Variants in ABCB5 observed in about 807,000 individuals in gnomAD.
The protein encoded by ABCB5 is ATP binding cassette subfamily B member 5.
Under a neutral mutation model 144.2 loss-of-function variants are expected in ABCB5, and 155 were observed. The ratio of observed to expected loss-of-function variants is 1.08; its 90% confidence interval spans 0.94 to 1.23. The LOEUF (loss-of-function observed/expected upper bound fraction) is 1.23. ABCB5 is among the 50% of genes most tolerant of loss of function. The pLI is 0.00. For synonymous variants in ABCB5, 610 were observed against 528.6 expected, an observed-to-expected ratio of 1.15 and a Z score of -2.11; for missense variants, 1,830 against 1,520.8, an observed-to-expected ratio of 1.20 and a Z score of -3.38.
chr7:20,669,028 C>A (rs1304161740), intron 14 of ABCB5, among the ~76,000 whole-genome samples: 1 of 122,478 alleles, frequency 8.2e-6, no homozygotes, highest in Non-Finnish European at 1.8e-5. Context: ...GTGAGGGGCG[C>A]CTCTGCCCGG....
intron 16 of ABCB5, among the ~76,000 whole-genome samples, chr7:20,695,846 C>CA (rs996791844): frequency 6.7e-4 from 99 of 146,850 alleles, no homozygotes; most frequent in East Asian, 4.3e-3. Context: ...TTCAGAAATG[C>CA]AAAAAAAAAA....
Position 20,626,581 on chromosome 7 carries a change from G to A in ABCB5, c.78G>A (p.Leu26=). Reference sequence around the variant, plus strand: ...GAACTGCAGAAGAACAGCCAAAACTGAGAAAGGAAGCAGTTGGATCTATTG... The same window carrying A: ...GAACTGCAGAAGAACAGCCAAAACTAAGAAAGGAAGCAGTTGGATCTATTG... ...RNGTAEEQPK[L]RKEAVGSIEI... The change falls in exon 3 of 28, where the codon CTG becomes CTA. Residue 26 remains leucine (L), a synonymous_variant. Transcript: ENST00000404938. The A allele has an allele frequency of 6.2e-7, 1 of 1,608,356 alleles. No individual in the cohort carries two copies. The highest frequency in any genetic ancestry group is 8.5e-7 in the Non-Finnish European group (1 of 1,177,218).
chr7:20,655,169 A>G (rs1784735959), intron 13 of ABCB5, among the ~76,000 whole-genome samples: 1 of 152,144 alleles, frequency 6.6e-6, no homozygotes, highest in Admixed American at 6.5e-5. Flanking sequence ...TTAAAAGGTT[A>G]ATAAGGAAAT....
intron 18 of ABCB5, 28 bp downstream of exon 18, chr7:20,699,957 A>G: frequency 6.2e-7 from 1 of 1,601,482 alleles, no homozygotes. Context: ...AAGCCTGAGC[A>G]TGATTACTTT....
chr7:20,752,700 A>T (rs1048816731), intron 26 of ABCB5, among the ~76,000 whole-genome samples: 9 of 152,188 alleles, frequency 5.9e-5, no homozygotes, highest in Non-Finnish European at 1.3e-4. Flanking sequence ...TACAAAAATT[A>T]GCCAGGCATG....
At chr7:20,655,812 C>A (rs934627609) in intron 13 of ABCB5, among the ~76,000 whole-genome samples, 2 of 151,374 alleles carry the variant, frequency 1.3e-5, no homozygotes, top group Non-Finnish European at 2.9e-5. Flanking sequence ...CATGTTGATT[C>A]CAAAATTTAT....
At chr7:20,659,023 T>C (rs1344787137) in intron 14 of ABCB5, 5 of 1,599,782 alleles carry the variant, frequency 3.1e-6, no homozygotes, top group Non-Finnish European at 4.3e-6. Flanking sequence ...TTCTTCTACA[T>C]ACACCTGTGG....
At chr7:20,676,867 C>G (rs562170068) in intron 14 of ABCB5, among the ~76,000 whole-genome samples, 5 of 151,992 alleles carry the variant, frequency 3.3e-5, no homozygotes, top group Non-Finnish European at 7.4e-5. Context: ...TGTCTAAGTC[C>G]TCCAAGACAG....
At chr7:20,659,738 C>G in intron 14 of ABCB5, 1 of 985,626 alleles carries the variant, frequency 1.0e-6, no homozygotes, top group Non-Finnish European at 1.2e-6. Context: ...ATTCAAGCCT[C>G]GCTCTGTCAC....
chr7:20,629,784 G>GAA (rs1212414224), intron 4 of ABCB5, among the ~76,000 whole-genome samples: 14 of 150,108 alleles, frequency 9.3e-5, no homozygotes, highest in South Asian at 4.2e-4. Flanking sequence ...AGAAGGAGAA[G>GAA]GAGAAGAAGA....
intron 13 of ABCB5, among the ~76,000 whole-genome samples, chr7:20,657,512 G>A (rs1784848484): frequency 6.6e-6 from 1 of 152,102 alleles, no homozygotes; most frequent in South Asian, 2.1e-4. Context: ...AAAGAAACAA[G>A]CCAAAGAAGT....
At chr7:20,683,215 C>T (rs996369000) in intron 15 of ABCB5, among the ~76,000 whole-genome samples, 2 of 152,014 alleles carry the variant, frequency 1.3e-5, no homozygotes, top group Admixed American at 6.6e-5. Context: ...TCTGAACATA[C>T]CCTAAGAAGC....
chr7:20,644,388 T>C (rs1178789202), intron 7 of ABCB5, among the ~76,000 whole-genome samples: 2 of 152,218 alleles, frequency 1.3e-5, no homozygotes, highest in Non-Finnish European at 1.5e-5. Flanking sequence ...GCCAAGTTTA[T>C]ACTTCAGTAA....
chr7:20,616,267 C>T (rs1346380124), intron 1 of ABCB5, among the ~76,000 whole-genome samples: 1 of 152,168 alleles, frequency 6.6e-6, no homozygotes, highest in African/African-American at 2.4e-5. Flanking sequence ...AACTCCTGAC[C>T]TCAGATGATC....
At chr7:20,666,208 ACAT>A (rs980217670) in intron 14 of ABCB5, among the ~76,000 whole-genome samples, 1 of 151,880 alleles carries the variant, frequency 6.6e-6, no homozygotes, top group Non-Finnish European at 1.5e-5. Context: ...TAACAGCACT[ACAT>A]CATGGAGTAC....
At chr7:20,622,219 A>C (rs1306685197) in intron 1 of ABCB5, among the ~76,000 whole-genome samples, 1 of 152,174 alleles carries the variant, frequency 6.6e-6, no homozygotes, top group East Asian at 1.9e-4. Context: ...GCATTTCATT[A>C]CATAATTGTT....
intron 11 of ABCB5, among the ~76,000 whole-genome samples, 188 bp from the exon 12 acceptor site, chr7:20,649,834 T>G (rs1438688373): frequency 6.6e-6 from 1 of 152,224 alleles, no homozygotes; most frequent in African/African-American, 2.4e-5. Context: ...AATGATAGAT[T>G]CTTTTACTAC....
At chr7:20,726,624 C>T (rs1782046589) in intron 21 of ABCB5, among the ~76,000 whole-genome samples, 1 of 152,094 alleles carries the variant, frequency 6.6e-6, no homozygotes, top group African/African-American at 2.4e-5. Context: ...GCCTTGGCCT[C>T]CCAAAGTACT....
intron 20 of ABCB5, among the ~76,000 whole-genome samples, chr7:20,712,958 T>C (rs1781543986): frequency 1.3e-5 from 2 of 149,784 alleles, no homozygotes; most frequent in South Asian, 2.1e-4. Flanking sequence ...AATACATTAT[T>C]ATTAACTATA....
Sources: allele counts gnomAD v4.1 joint callset (sites outside exome capture counted in the v4.1 genomes callset), GRCh38; gene constraint gnomAD v4.1.1; transcripts MANE v1.5; gene names NCBI Gene and HGNC (gene_info 2026-07-23, HGNC 2026-07-21).